GCFC2: variants seen among roughly 807,000 people sequenced by gnomAD.
The protein encoded by GCFC2 is intron Large complex component GCFC2.
A neutral mutation model predicts 99.4 loss-of-function variants in GCFC2; 102 were observed. The observed-to-expected ratio is 1.03, with a 90% CI of 0.87 to 1.21. GCFC2 has a LOEUF of 1.21. GCFC2 is among the 50% of genes most tolerant of loss of function. The pLI is 0.00. For synonymous variants in GCFC2, 338 were observed against 316.8 expected (o/e 1.07, Z -0.71); for missense variants, 973 against 920.9 (o/e 1.06, Z -0.73).
intron 15 of GCFC2, among the ~76,000 whole-genome samples, chr2:75,669,460 TA>T (rs1283091431): frequency 6.6e-6 from 1 of 152,216 alleles, no homozygotes; most frequent in Non-Finnish European, 1.5e-5. Flanking sequence ...CTTTTGCCTT[TA>T]AGTTTAGAAG....
chr2:75,687,781 C>T (rs374520833), intron 11 of GCFC2, 46 bp downstream of exon 11: 7 of 1,451,310 alleles, frequency 4.8e-6, no homozygotes, highest in African/African-American at 4.3e-5. Context: ...ACCTTATATA[C>T]TCTGTCAGAA....
rs545708064 is a variant in GCFC2, at chr2:75,681,981, C to T, written c.1691-1667G>A. On this transcript the variant is annotated intron_variant, in intron 11 of 16. Coordinates refer to ENST00000321027, the MANE Select transcript of GCFC2 (RefSeq NM_003203.5). ...AGATAAAACCCCCATCTTCCATGGA[C>T]AGAGCACCTGGGGAAAGGGGTGGCT... Among the ~76,000 whole-genome samples, 143 of 152,034 alleles carry T rather than the reference C, an allele frequency of 9.4e-4. 2 individuals are homozygous for T. The highest frequency in any genetic ancestry group is 1.7e-3 in the Non-Finnish European group (118 of 68,022).
rs1678704378 is a variant in GCFC2 at position 75,663,592 on chromosome 2, C to T, written c.*1074G>A. The stretch of plus-strand genomic sequence containing the variant: ...TTAAAAGAAAGGCCAAACATGGTTG[C>T]TCAAGCCTGTAATCCCAGCACTTTG... On this transcript the variant is annotated 3_prime_UTR_variant, in exon 17 of 17. Transcript: ENST00000321027. 1 of 152,172 alleles carries T rather than the reference C, an allele frequency of 6.6e-6. No homozygotes were observed. The highest frequency in any genetic ancestry group is 2.4e-5 in the African/African-American group (1 of 41,442). 9.4% of individuals were successfully genotyped at this position (152,172 alleles called of 1,614,324 possible). A position where few individuals can be genotyped will look rare whatever the true frequency, so the allele number is the denominator to read the frequency against.
At chr2:75,692,488 A>C (rs1350476148) in intron 6 of GCFC2, among the ~76,000 whole-genome samples, 2 of 152,030 alleles carry the variant, frequency 1.3e-5, no homozygotes, top group Admixed American at 6.5e-5. Flanking sequence ...CTCTACTAAC[A>C]GTACAAAAAT....
chr2:75,679,696 C>G (rs1270142234), intron 12 of GCFC2: 1 of 398,064 alleles, frequency 2.5e-6, no homozygotes, highest in Non-Finnish European at 4.4e-6. Context: ...GCCAAAAGAA[C>G]AAAGGTAATG....
chr2:75,696,706 C>A (rs887653441), intron 4 of GCFC2, among the ~76,000 whole-genome samples: 2 of 152,190 alleles, frequency 1.3e-5, no homozygotes, highest in African/African-American at 4.8e-5. Flanking sequence ...TATTTAACTG[C>A]AACTCCATTC....
At position 75,664,497 on chromosome 2, in the gene GCFC2, A is replaced by G. The variant is rs759895642; in HGVS notation, c.*169T>C. On this transcript the variant is annotated 3_prime_UTR_variant, in exon 17 of 17. Coordinates refer to ENST00000321027, the MANE Select transcript of GCFC2 (RefSeq NM_003203.5). The stretch of plus-strand genomic sequence containing the variant: ...CACCACAGAATCATGGCAGCTTTTC[A>G]TGATGCCAGAAGGTAAAGCACGGGG... 1.1e-4 allele frequency: 46 copies of G among 418,358 alleles called. No individual in the cohort carries two copies. Among genetic ancestry groups the G allele is most frequent in the Non-Finnish European group, 1.7e-4 (40 of 235,402 alleles). The allele number at this position is 418,358 out of a possible 1,614,324, so 25.9% of individuals were successfully genotyped here.
chr2:75,704,403 C>A (rs545198275), intron 2 of GCFC2, among the ~76,000 whole-genome samples: 1 of 152,182 alleles, frequency 6.6e-6, no homozygotes, highest in Non-Finnish European at 1.5e-5. Flanking sequence ...ATAAGTCCTT[C>A]GAACTTTCAG....
chr2:75,705,694 T>C (rs192920612), intron 2 of GCFC2, among the ~76,000 whole-genome samples: 64 of 151,684 alleles, frequency 4.2e-4, no homozygotes, highest in African/African-American at 1.2e-3. Flanking sequence ...ATTTTAATAA[T>C]TTTATTTCAA....
intron 12 of GCFC2, among the ~76,000 whole-genome samples, chr2:75,679,225 G>A (rs192363158): frequency 2.1e-4 from 32 of 152,174 alleles, no homozygotes; most frequent in Non-Finnish European, 2.9e-5. Context: ...ATTTCTTACA[G>A]CTATCCTCCT....
At chr2:75,690,465 G>A (rs931492149) in intron 8 of GCFC2, 173 bp downstream of exon 8, 3 of 564,986 alleles carry the variant, frequency 5.3e-6, no homozygotes, top group Non-Finnish European at 9.2e-6. Flanking sequence ...ATACACCAAT[G>A]TGTCTTTAAA....
At chr2:75,696,120 T>C (rs558717132) in intron 5 of GCFC2, 80 bp downstream of exon 5, 3 of 627,246 alleles carry the variant, frequency 4.8e-6, no homozygotes, top group African/African-American at 1.9e-5. Context: ...CAGTACTTAA[T>C]AATCTAAAAG....
chr2:75,664,704 G>A lies in GCFC2; in HGVS notation c.2308C>T (p.His770Tyr). 1 of 1,544,910 alleles carries A rather than the reference G, an allele frequency of 6.5e-7. No individual in the cohort carries two copies. Among genetic ancestry groups the A allele is most frequent in the Non-Finnish European group, 8.9e-7 (1 of 1,118,608 alleles). ...NQAESFIGEH[H>Y]LDHLKSLIKE... ...ATTAGTGATTTAAGATGGTCTAGGT[G>A]ATGCTCTCCTATGAAGGATTCTGCT... Residue 770 changes from histidine (H) to tyrosine (Y), a missense_variant, in exon 17 of 17, where the codon CAC becomes TAC. His to Tyr is a moderately conservative substitution (Grantham distance 83, BLOSUM62 2). Coordinates refer to ENST00000321027, the MANE Select transcript of GCFC2 (RefSeq NM_003203.5).
At chr2:75,683,093 A>C (rs1217055680) in intron 11 of GCFC2, among the ~76,000 whole-genome samples, 1 of 151,834 alleles carries the variant, frequency 6.6e-6, no homozygotes, top group Non-Finnish European at 1.5e-5. Context: ...AATACAGAGA[A>C]CACCACAAAG....
intron 15 of GCFC2, among the ~76,000 whole-genome samples, chr2:75,667,852 C>T (rs1007371871): frequency 1.3e-5 from 2 of 152,138 alleles, no homozygotes; most frequent in African/African-American, 4.8e-5. Context: ...ACCTGAACAA[C>T]ATTACATGGA....
chr2:75,699,954 G>A (rs771566226), intron 4 of GCFC2, among the ~76,000 whole-genome samples: 20 of 149,962 alleles, frequency 1.3e-4, no homozygotes, highest in Non-Finnish European at 2.1e-4. Flanking sequence ...ACGCTGAAGC[G>A]CAGTGGCGTG....
intron 4 of GCFC2, among the ~76,000 whole-genome samples, chr2:75,698,268 A>C (rs2104384753): frequency 6.6e-6 from 1 of 152,344 alleles, no homozygotes; most frequent in East Asian, 1.9e-4. Flanking sequence ...TGCCATAAAA[A>C]TGTTCATCTC....
Position 75,663,400 on chromosome 2 carries a change from T to A in GCFC2, c.*1266A>T, listed in dbSNP as rs752224608. 3 of 152,182 alleles carry A rather than the reference T, an allele frequency of 2.0e-5. No homozygotes were observed. The highest frequency in any genetic ancestry group is 2.9e-5 in the Non-Finnish European group (2 of 68,018). 9.4% of individuals were successfully genotyped at this position (152,182 alleles called of 1,614,324 possible). A position where few individuals can be genotyped will look rare whatever the true frequency, so the allele number is the denominator to read the frequency against. ...TTTTCTTAATTTCTTTTGATTAAAT[T>A]ATCTTGCCTCTGTTTTATTAGACAA... On this transcript the variant is annotated 3_prime_UTR_variant, in exon 17 of 17. Transcript: ENST00000321027.
intron 2 of GCFC2, among the ~76,000 whole-genome samples, chr2:75,705,635 A>AG (rs1553437909): frequency 1.3e-5 from 2 of 151,120 alleles, no homozygotes; most frequent in African/African-American, 4.8e-5. Context: ...AAAAAAAAAA[A>AG]AAGAAGCACA....
Sources: allele counts gnomAD v4.1 joint callset (sites outside exome capture counted in the v4.1 genomes callset), GRCh38; gene constraint gnomAD v4.1.1; transcripts MANE v1.5; gene names NCBI Gene and HGNC (gene_info 2026-07-23, HGNC 2026-07-21).